The following PLEKHA6 variants were observed in gnomAD, a reference collection of about 807,000 sequenced individuals.
The protein encoded by PLEKHA6 is pleckstrin homology domain containing A6, also known as pleckstrin homology domain-containing family A member 6.
A neutral mutation model predicts 116.7 loss-of-function variants in PLEKHA6; 60 were observed. That is an observed-to-expected ratio of 0.51 (90% CI 0.42 to 0.64). PLEKHA6 has a LOEUF of 0.64. PLEKHA6 is among the 30% of genes least tolerant of loss of function. PLEKHA6 has a pLI of 0.00. For synonymous variants in PLEKHA6, 489 were observed against 556.1 expected (o/e 0.88, Z 1.70); for missense variants, 1,338 against 1,422.7 (o/e 0.94, Z 0.96).
At chr1:204,338,592 C>G (rs1409104627) in intron 1 of PLEKHA6, among the ~76,000 whole-genome samples, 1 of 152,116 alleles carries the variant, frequency 6.6e-6, no homozygotes, top group Non-Finnish European at 1.5e-5. Context: ...CTTTGCCTTC[C>G]AAGAGTTTAC....
intron 17 of PLEKHA6, among the ~76,000 whole-genome samples, chr1:204,239,221 A>G (rs528322445): frequency 6.6e-6 from 1 of 152,334 alleles, no homozygotes; most frequent in South Asian, 2.1e-4. Flanking sequence ...AAAAGTGGCC[A>G]TGGTGGCAGG....
chr1:204,288,024 A>G (rs1447592487), intron 1 of PLEKHA6, among the ~76,000 whole-genome samples: 2 of 152,240 alleles, frequency 1.3e-5, no homozygotes, highest in Non-Finnish European at 2.9e-5. Context: ...TCTGGCTGAT[A>G]GAATGGGTAT....
chr1:204,248,586 A>G (rs575287183), intron 12 of PLEKHA6, among the ~76,000 whole-genome samples: 1 of 152,366 alleles, frequency 6.6e-6, no homozygotes, highest in South Asian at 2.1e-4. Context: ...AGGTACAGGT[A>G]TAGTTTGTGG....
chr1:204,359,673 G>A (rs1673514219), intron 1 of PLEKHA6, 21 bp downstream of exon 1: 1 of 982,464 alleles, frequency 1.0e-6, no homozygotes, highest in Non-Finnish European at 1.2e-6. Flanking sequence ...TCATCTATGT[G>A]ATGCATGAAA....
At chr1:204,299,143 C>T (rs1194685937) in intron 1 of PLEKHA6, among the ~76,000 whole-genome samples, 1 of 152,168 alleles carries the variant, frequency 6.6e-6, no homozygotes, top group Non-Finnish European at 1.5e-5. Context: ...AACTTGTACC[C>T]AGAAGTCACA....
intron 21 of PLEKHA6, among the ~76,000 whole-genome samples, chr1:204,224,808 A>T (rs1660111123): frequency 6.6e-6 from 1 of 152,166 alleles, no homozygotes; most frequent in Non-Finnish European, 1.5e-5. Flanking sequence ...TCAAACACAC[A>T]TTCGTGTGCA....
At chr1:204,247,548 C>A in intron 12 of PLEKHA6, 88 bp from the exon 13 acceptor site, 1 of 825,292 alleles carries the variant, frequency 1.2e-6, no homozygotes, top group Non-Finnish European at 2.0e-6. Context: ...GCCAGGGTAC[C>A]AGAGGCACAA....
intron 17 of PLEKHA6, among the ~76,000 whole-genome samples, chr1:204,233,929 G>A (rs1027618756): frequency 2.0e-5 from 3 of 152,152 alleles, no homozygotes; most frequent in Non-Finnish European, 2.9e-5. Flanking sequence ...TTTTGGGAAT[G>A]TTGGTGTTAG....
intron 13 of PLEKHA6, 62 bp downstream of exon 13, chr1:204,247,303 G>A (rs757600947): frequency 2.2e-5 from 23 of 1,026,292 alleles, no homozygotes; most frequent in African/African-American, 4.7e-5. Flanking sequence ...CTTTTGTCTC[G>A]AGGCCAACTC....
At chr1:204,325,032 C>T (rs1177519601) in intron 1 of PLEKHA6, among the ~76,000 whole-genome samples, 4 of 152,178 alleles carry the variant, frequency 2.6e-5, no homozygotes, top group Admixed American at 6.5e-5. Flanking sequence ...ATTCTCCTGC[C>T]TCAGCCTCCC....
At chr1:204,266,819 TC>T (rs1666882313) in intron 5 of PLEKHA6, among the ~76,000 whole-genome samples, 1 of 152,132 alleles carries the variant, frequency 6.6e-6, no homozygotes, top group Non-Finnish European at 1.5e-5. Context: ...GCCTATTTCC[TC>T]CCCTGCATCC....
chr1:204,247,223 G>A (rs1204721063), intron 13 of PLEKHA6, 142 bp downstream of exon 13: 1 of 570,708 alleles, frequency 1.8e-6, no homozygotes, highest in African/African-American at 1.9e-5. Context: ...TCCCCTGTGA[G>A]ATGAACCTAA....
chr1:204,234,724 T>C (rs1299501221), intron 17 of PLEKHA6, among the ~76,000 whole-genome samples: 1 of 151,772 alleles, frequency 6.6e-6, no homozygotes, highest in Non-Finnish European at 1.5e-5. Flanking sequence ...GTGGGCACAA[T>C]CTAATCAGCT....
Position 204,247,453 on chromosome 1 carries a change from G to C in PLEKHA6, c.1832C>G (p.Thr611Arg), listed in dbSNP as rs185597768. 59 of 1,610,122 alleles carry C rather than the reference G, an allele frequency of 3.7e-5. No individual in the cohort carries two copies. In the African/African-American group the frequency reaches 7.2e-4, roughly 20 times the overall value. The stretch of plus-strand genomic sequence containing the variant: ...GTGCTCATACTCTATGGTGCTGTTT[G>C]TCAGGGCCTACGGGGGAAAGAGGCG... ...VELSQATTAL[T>R]NSTIEYEHLE... The change falls in exon 13 of 23, where the codon ACA (threonine) becomes AGA (arginine). Residue 611 changes from threonine to arginine, a missense_variant. Transcript: ENST00000272203.
At chr1:204,348,239 TAG>T (rs1284792371) in intron 1 of PLEKHA6, among the ~76,000 whole-genome samples, 1 of 152,198 alleles carries the variant, frequency 6.6e-6, no homozygotes, top group Non-Finnish European at 1.5e-5. Context: ...AGGACATGGC[TAG>T]AGCTGAAGCT....
In PLEKHA6 at chr1:204,221,041, G is replaced by C. The variant is rs537465680; in HGVS notation, c.*1747C>G. 1 of 152,364 alleles carries C rather than the reference G, an allele frequency of 6.6e-6. No homozygotes were observed. Among genetic ancestry groups the C allele is most frequent in the Admixed American group, 6.5e-5 (1 of 15,304 alleles). 9.4% of individuals were successfully genotyped at this position (152,364 alleles called of 1,614,324 possible). On this transcript the variant is annotated 3_prime_UTR_variant, in exon 23 of 23. Transcript: ENST00000272203. Reference sequence around the variant, plus strand: ...CACCTGCCAGTCTGCAGGGGAGAAAGGGCAGGTTTGGGGTGCTTGAACTGT... The same window carrying C: ...CACCTGCCAGTCTGCAGGGGAGAAACGGCAGGTTTGGGGTGCTTGAACTGT...
chr1:204,229,232 AC>A, intron 18 of PLEKHA6, 128 bp from the exon 19 acceptor site: 1 of 842,018 alleles, frequency 1.2e-6, no homozygotes, highest in Non-Finnish European at 1.8e-6. Flanking sequence ...CTCCCACCAT[AC>A]CCCACTGCAG....
At chr1:204,320,304 A>T (rs1209513005) in intron 1 of PLEKHA6, 2 of 156,534 alleles carry the variant, frequency 1.3e-5, no homozygotes, top group Non-Finnish European at 1.4e-5. Context: ...CCTCCACTTG[A>T]CTCCCAACCC....
chr1:204,345,530 G>A (rs894251469), intron 1 of PLEKHA6, among the ~76,000 whole-genome samples: 5 of 151,358 alleles, frequency 3.3e-5, no homozygotes, highest in South Asian at 2.1e-4. Flanking sequence ...TCTTCTTCCC[G>A]CCCCCCTCAG....
Sources: gnomAD v4.1 joint callset for allele counts (sites outside exome capture counted in the v4.1 genomes callset) on GRCh38, gnomAD v4.1.1 for gene constraint, MANE v1.5 for transcripts, NCBI Gene and HGNC (gene_info 2026-07-23, HGNC 2026-07-21) for gene names.